Variants in PXDNL observed in about 807,000 individuals in gnomAD.
PXDNL encodes probable oxidoreductase PXDNL.
PXDNL carries 145 observed loss-of-function variants against 150.8 expected under a neutral mutation model. The observed-to-expected ratio is 0.96, with a 90% confidence interval of 0.84 to 1.10. PXDNL has a LOEUF of 1.10. Among genes scored for constraint, PXDNL ranks in the 50% least tolerant of loss-of-function variants. The pLI is 0.00. For synonymous variants in PXDNL, 757 were observed against 725.7 expected (o/e 1.04, Z -0.69); for missense variants, 2,087 against 1,873.9 (o/e 1.11, Z -2.10).
intron 20 of PXDNL, among the ~76,000 whole-genome samples, chr8:51,341,058 A>G (rs372290527): frequency 2.0e-5 from 3 of 152,342 alleles, no homozygotes; most frequent in East Asian, 3.9e-4. Context: ...GACGGTATTC[A>G]CAATTTAACA....
intron 1 of PXDNL, among the ~76,000 whole-genome samples, chr8:51,794,503 C>G (rs2037542041): frequency 1.3e-5 from 2 of 152,186 alleles, no homozygotes; most frequent in African/African-American, 4.8e-5. Context: ...AGATTAGTGG[C>G]CAATATTAAA....
In PXDNL at chr8:51,674,546, T is replaced by C. The variant is rs144953756; in HGVS notation, c.165-19786A>G. ...GACTATGATTGAGTTATAAGTTCTC[T>C]AGGGAAAGCAGCACACTGAAATGGG... On this transcript the variant is annotated intron_variant, in intron 1 of 22. Transcript: ENST00000356297. Among the ~76,000 whole-genome samples the C allele has an allele frequency of 4.7e-3, 712 of 152,312 alleles. 1 individual carries two copies. Among genetic ancestry groups the C allele is most frequent in the Middle Eastern group, 0.014 (4 of 294 alleles).
intron 19 of PXDNL, among the ~76,000 whole-genome samples, chr8:51,356,675 C>T (rs1309855893): frequency 1.3e-5 from 2 of 151,946 alleles, no homozygotes; most frequent in African/African-American, 2.4e-5. Flanking sequence ...TTGGCTTTCT[C>T]GTTATAGTCA....
intron 1 of PXDNL, among the ~76,000 whole-genome samples, chr8:51,716,699 G>A (rs1485806232): frequency 6.6e-6 from 1 of 152,144 alleles, no homozygotes; most frequent in African/African-American, 2.4e-5. Context: ...ATATGGAAAA[G>A]TAAAAGAACA....
chr8:51,556,378 T>C (rs1387029451), intron 4 of PXDNL, among the ~76,000 whole-genome samples: 1 of 152,166 alleles, frequency 6.6e-6, no homozygotes, highest in Non-Finnish European at 1.5e-5. Flanking sequence ...TATAATCCCA[T>C]GTTTTGGAAG....
At chr8:51,356,039 G>C (rs1379478394) in intron 19 of PXDNL, among the ~76,000 whole-genome samples, 1 of 152,232 alleles carries the variant, frequency 6.6e-6, no homozygotes, top group East Asian at 1.9e-4. Flanking sequence ...CTTGGCAATG[G>C]GGAGTCTGAG....
chr8:51,432,220 C>T (rs868545706), intron 12 of PXDNL, among the ~76,000 whole-genome samples: 34 of 152,212 alleles, frequency 2.2e-4, no homozygotes, highest in African/African-American at 7.5e-4. Context: ...AGGACTATTA[C>T]TGAGAAGCCA....
At chr8:51,721,833 G>T in intron 1 of PXDNL, 1 of 286,330 alleles carries the variant, frequency 3.5e-6, no homozygotes, top group South Asian at 4.2e-5. Context: ...TCTGCACCAA[G>T]CTGGTTTACA....
intron 2 of PXDNL, among the ~76,000 whole-genome samples, chr8:51,625,614 G>T (rs1355397813): frequency 3.9e-5 from 6 of 152,152 alleles, no homozygotes; most frequent in African/African-American, 1.4e-4. Context: ...ATAGCAGGAA[G>T]AAAAGTAAAA....
At chr8:51,517,177 A>G (rs369960757) in intron 4 of PXDNL, among the ~76,000 whole-genome samples, 23 of 152,140 alleles carry the variant, frequency 1.5e-4, no homozygotes, top group East Asian at 1.2e-3. Context: ...TAGATTTTGT[A>G]TCAAGTATCC....
chr8:51,474,815 A>G (rs1366080161), intron 7 of PXDNL, among the ~76,000 whole-genome samples, 157 bp downstream of exon 7: 1 of 152,234 alleles, frequency 6.6e-6, no homozygotes, highest in Non-Finnish European at 1.5e-5. Context: ...GAAAATGCAG[A>G]TGATGGAAAG....
intron 8 of PXDNL, among the ~76,000 whole-genome samples, chr8:51,458,487 T>C (rs1403304486): frequency 6.6e-6 from 1 of 152,228 alleles, no homozygotes; most frequent in Non-Finnish European, 1.5e-5. Flanking sequence ...TTCACATGTG[T>C]ACACTTAGTA....
intron 1 of PXDNL, among the ~76,000 whole-genome samples, chr8:51,696,850 C>CACACACAGGTCCACACACAT (rs1816157843): frequency 7.8e-6 from 1 of 128,722 alleles, no homozygotes; most frequent in Non-Finnish European, 1.6e-5. Flanking sequence ...GGTCCTGACA[C>CACACACAGGTCCACACACAT]ACACACAGGT....
At chr8:51,708,880 A>C (rs1816439047) in intron 1 of PXDNL, among the ~76,000 whole-genome samples, 1 of 152,162 alleles carries the variant, frequency 6.6e-6, no homozygotes, top group Admixed American at 6.5e-5. Context: ...TGGAGTTATA[A>C]ATCTGGGAGT....
chr8:51,687,426 G>A (rs142821472), intron 1 of PXDNL, among the ~76,000 whole-genome samples: 27 of 152,220 alleles, frequency 1.8e-4, no homozygotes, highest in Non-Finnish European at 1.3e-4. Flanking sequence ...TATTATATAC[G>A]GTATATAGCT....
chr8:51,620,958 G>C (rs745930107), intron 2 of PXDNL, among the ~76,000 whole-genome samples: 1 of 152,166 alleles, frequency 6.6e-6, no homozygotes, highest in Non-Finnish European at 1.5e-5. Context: ...ACAGATATGA[G>C]AATTAGATTG....
At chr8:51,721,983 T>C (rs927901709) in intron 1 of PXDNL, 1 of 229,198 alleles carries the variant, frequency 4.4e-6, no homozygotes, top group African/African-American at 2.3e-5. Context: ...CATATTCACC[T>C]CTTCAGTACC....
chr8:51,587,202 A>T (rs1203376287), intron 3 of PXDNL, among the ~76,000 whole-genome samples: 2 of 152,210 alleles, frequency 1.3e-5, no homozygotes, highest in African/African-American at 4.8e-5. Context: ...AAATGGTTAA[A>T]AATAATGAAC....
intron 1 of PXDNL, among the ~76,000 whole-genome samples, chr8:51,800,061 G>T (rs764285813): frequency 1.1e-4 from 17 of 152,134 alleles, no homozygotes; most frequent in Admixed American, 2.6e-4. Flanking sequence ...CAACACAGGT[G>T]AGGTAGTAAG....
Sources: gnomAD v4.1 joint callset for allele counts (sites outside exome capture counted in the v4.1 genomes callset) on GRCh38, gnomAD v4.1.1 for gene constraint, MANE v1.5 for transcripts, NCBI Gene and HGNC (gene_info 2026-07-23, HGNC 2026-07-21) for gene names.